The following LNX2 variants were observed in gnomAD, a reference collection of about 807,000 sequenced individuals.
LNX2 encodes the protein ligand of Numb protein X 2.
Under a neutral mutation model 66.2 loss-of-function variants are expected in LNX2, and 35 were observed. The ratio of observed to expected loss-of-function variants is 0.53; its 90% CI spans 0.40 to 0.70. The LOEUF (loss-of-function observed/expected upper bound fraction) is 0.70, where lower values mean the gene tolerates loss of function less well. Among genes scored for constraint, LNX2 ranks in the 30% least tolerant of loss-of-function variants. LNX2 has a pLI of 0.00. For synonymous variants in LNX2, 337 were observed against 315.6 expected, an observed-to-expected ratio of 1.07 and a Z score of -0.72; for missense variants, 791 against 850.8, an observed-to-expected ratio of 0.93 and a Z score of 0.87.
At chr13:27,579,711 C>G (rs1955377224) in intron 2 of LNX2, among the ~76,000 whole-genome samples, 1 of 152,182 alleles carries the variant, frequency 6.6e-6, no homozygotes, top group Admixed American at 6.5e-5. Flanking sequence ...TTCAGTTCCT[C>G]TAACATCTCA....
At chr13:27,592,597 G>A (rs1418872129) in intron 1 of LNX2, among the ~76,000 whole-genome samples, 1 of 152,166 alleles carries the variant, frequency 6.6e-6, no homozygotes, top group African/African-American at 2.4e-5. Flanking sequence ...AAACACTGGT[G>A]TAAAGATGGT....
At chr13:27,610,899 C>T (rs1011747890) in intron 1 of LNX2, among the ~76,000 whole-genome samples, 2 of 152,074 alleles carry the variant, frequency 1.3e-5, no homozygotes, top group African/African-American at 4.8e-5. Flanking sequence ...AAATCAAAAC[C>T]ACGAGATATC....
intron 2 of LNX2, among the ~76,000 whole-genome samples, chr13:27,571,455 A>G (rs968702408): frequency 1.3e-5 from 2 of 152,220 alleles, no homozygotes; most frequent in African/African-American, 2.4e-5. Flanking sequence ...TTAAAGGAAA[A>G]AAAGAGTTGG....
At chr13:27,596,286 A>G (rs1029814216) in intron 1 of LNX2, among the ~76,000 whole-genome samples, 2 of 152,236 alleles carry the variant, frequency 1.3e-5, no homozygotes, top group Non-Finnish European at 2.9e-5. Context: ...AAACATATAA[A>G]AACTATAAAA....
chr13:27,614,101 T>A (rs200316327), intron 1 of LNX2, among the ~76,000 whole-genome samples: 1 of 152,238 alleles, frequency 6.6e-6, no homozygotes, highest in Non-Finnish European at 1.5e-5. Context: ...TAAACCAAGC[T>A]AATTTTGGGA....
chr13:27,613,837 C>T (rs1955799374), intron 1 of LNX2, among the ~76,000 whole-genome samples: 1 of 152,178 alleles, frequency 6.6e-6, no homozygotes, highest in Non-Finnish European at 1.5e-5. Context: ...TGATTAACTA[C>T]TCGAATGAAT....
At chr13:27,578,705 C>T (rs558397570) in intron 2 of LNX2, among the ~76,000 whole-genome samples, 1 of 152,278 alleles carries the variant, frequency 6.6e-6, no homozygotes, top group Non-Finnish European at 1.5e-5. Context: ...CTCCAGCTGA[C>T]AAGTCCCACG....
chr13:27,605,609 T>G (rs1325131582), intron 1 of LNX2, among the ~76,000 whole-genome samples: 1 of 152,164 alleles, frequency 6.6e-6, no homozygotes, highest in Non-Finnish European at 1.5e-5. Context: ...CAATCATAGG[T>G]AACCATATTA....
Position 27,559,882 on chromosome 13 carries a change from T to A in LNX2, c.1328A>T (p.His443Leu), listed in dbSNP as rs1213196798. The A allele has an allele frequency of 5.0e-6, 8 of 1,610,932 alleles. No individual in the cohort carries two copies. The highest frequency in any genetic ancestry group is 8.5e-7 in the Non-Finnish European group (1 of 1,177,816). ...TCTGCTATAATACGGTGGTGGTGTG[T>A]GGTGCTGGCTGCTGCTGCTATGATT... ...AGNHSSSSQH[H>L]TPPPYYSRPS... The change falls in exon 6 of 10, where the codon CAC becomes CTC. Residue 443 changes from histidine to leucine, a missense_variant. His to Leu is a moderately conservative substitution (Grantham distance 99, BLOSUM62 -3). Coordinates refer to ENST00000316334, the MANE Select transcript of LNX2 (RefSeq NM_153371.4).
At chr13:27,585,377 G>C (rs893897177) in intron 1 of LNX2, among the ~76,000 whole-genome samples, 2 of 151,422 alleles carry the variant, frequency 1.3e-5, no homozygotes, top group African/African-American at 4.9e-5. Flanking sequence ...AGCCAAGATC[G>C]CACCACTGCA....
chr13:27,599,265 A>G (rs1955630188), intron 1 of LNX2, among the ~76,000 whole-genome samples: 1 of 152,222 alleles, frequency 6.6e-6, no homozygotes, highest in African/African-American at 2.4e-5. Context: ...AAAAGGGTCT[A>G]TACAGAAAAG....
chr13:27,550,392 C>A lies in LNX2; in HGVS notation c.1878G>T (p.Gln626His), dbSNP rs144101980. 6.2e-7 allele frequency: 1 copy of A among 1,613,864 alleles called. No individual in the cohort carries two copies. The highest frequency in any genetic ancestry group is 1.1e-5 in the South Asian group (1 of 91,072). Residue 626 changes from glutamine to histidine, a missense_variant, in exon 9 of 10, where the codon CAG (glutamine) becomes CAT (histidine). Gln to His is a conservative substitution (Grantham distance 24, BLOSUM62 0). Transcript: ENST00000316334. ...VGGYEENHTN[Q>H]PFFIKTIVLG... ...AGACAATAGTTTTAATGAAAAAAGGCTGATTGGTGTGGTTCTCTTCATATC... is the reference window on the plus strand; with the variant it reads ...AGACAATAGTTTTAATGAAAAAAGGATGATTGGTGTGGTTCTCTTCATATC...
rs956341133 is a variant in LNX2, at chr13:27,546,544, G to C, written c.*1791C>G. Reference sequence around the variant, plus strand: ...CAAGTCAGTAGCAATGATTGTTGCTGTATCTTATTCCAAATAGATATGTTT... The same window carrying C: ...CAAGTCAGTAGCAATGATTGTTGCTCTATCTTATTCCAAATAGATATGTTT... On this transcript the variant is annotated 3_prime_UTR_variant, in exon 10 of 10. Coordinates refer to ENST00000316334, the MANE Select transcript of LNX2 (RefSeq NM_153371.4). The C allele has an allele frequency of 6.6e-6, 1 of 152,164 alleles. No homozygotes were observed. Among genetic ancestry groups the C allele is most frequent in the African/African-American group, 2.4e-5 (1 of 41,424 alleles). 9.4% of individuals were successfully genotyped at this position (152,164 alleles called of 1,614,324 possible). A position where few individuals can be genotyped will look rare whatever the true frequency, so the allele number is the denominator to read the frequency against.
chr13:27,593,834 G>A (rs1467037454), intron 1 of LNX2, among the ~76,000 whole-genome samples: 2 of 150,304 alleles, frequency 1.3e-5, no homozygotes, highest in Admixed American at 6.7e-5. Context: ...GACCTCAAGC[G>A]ATCTGCCTGC....
intron 4 of LNX2, among the ~76,000 whole-genome samples, chr13:27,565,056 T>A (rs1170025871): frequency 6.6e-6 from 1 of 152,158 alleles, no homozygotes; most frequent in African/African-American, 2.4e-5. Flanking sequence ...AAGATTGCCA[T>A]TATTGGAGTT....
rs1465586589 is a variant in LNX2, at chr13:27,569,182, G to C, written c.502C>G (p.Leu168Val). 5.6e-6 allele frequency: 9 copies of C among 1,613,080 alleles called. No homozygotes were observed. In the South Asian group the frequency reaches 9.9e-5, roughly 18 times the overall value. Residue 168 changes from leucine to valine, a missense_variant, in exon 3 of 10, where the codon CTA (leucine) becomes GTA (valine). Leu to Val is a conservative substitution (Grantham distance 32, BLOSUM62 1). Coordinates refer to ENST00000316334, the MANE Select transcript of LNX2 (RefSeq NM_153371.4). ...GGAGATAAGGTACCTGCAGGATCTAGTAGAGTGGGCCCATTTTCATTCTCA... is the reference window on the plus strand; with the variant it reads ...GGAGATAAGGTACCTGCAGGATCTACTAGAGTGGGCCCATTTTCATTCTCA... The part of the protein sequence containing the change: ...EIENENGPTL[L>V]DPAGTLSPEA...
intron 1 of LNX2, among the ~76,000 whole-genome samples, chr13:27,598,553 G>T (rs1955623750): frequency 1.3e-5 from 2 of 152,188 alleles, no homozygotes; most frequent in South Asian, 4.1e-4. Context: ...TGTCAACTGG[G>T]ATGGAGAATT....
At chr13:27,566,696 G>C (rs1955209779) in intron 4 of LNX2, among the ~76,000 whole-genome samples, 1 of 152,164 alleles carries the variant, frequency 6.6e-6, no homozygotes, top group African/African-American at 2.4e-5. Context: ...GACTCAAGAA[G>C]TGGCAGGAAA....
rs1235722444 is a variant in LNX2 at position 27,602,936 on chromosome 13, T to C, written c.-101+17439A>G. Among the ~76,000 whole-genome samples, 8 of 152,266 alleles carry C rather than the reference T, an allele frequency of 5.3e-5. No homozygotes were observed. The East Asian group carries it at 1.2e-3, about 22-fold the overall frequency. On this transcript the variant is annotated intron_variant, in intron 1 of 9. Coordinates refer to ENST00000316334, the MANE Select transcript of LNX2 (RefSeq NM_153371.4). ...TTTGTAAGATACAGCACAAAAATAA[T>C]TGAGGTACATAAGATATAGTGCAAC...
Sources: gnomAD v4.1 joint callset for allele counts (sites outside exome capture counted in the v4.1 genomes callset) on GRCh38, gnomAD v4.1.1 for gene constraint, MANE v1.5 for transcripts, NCBI Gene and HGNC (gene_info 2026-07-23, HGNC 2026-07-21) for gene names.